Variants in TPX2 observed in about 807,000 individuals in gnomAD.
TPX2 encodes the protein TPX2 microtubule nucleation factor.
In TPX2, 21 loss-of-function variants were observed where a neutral mutation model predicts 93.6. The ratio of observed to expected loss-of-function variants is 0.22; its 90% CI spans 0.16 to 0.32. The LOEUF (loss-of-function observed/expected upper bound fraction) is 0.32. Ranked by LOEUF, TPX2 falls within the 10% of genes least tolerant of loss-of-function variation. TPX2 has a pLI of 1.00. For synonymous variants in TPX2, 281 were observed against 298.3 expected, an observed-to-expected ratio of 0.94 and a Z score of 0.60; for missense variants, 776 against 871.1, an observed-to-expected ratio of 0.89 and a Z score of 1.37.
At chr20:31,761,610 T>A (rs933204228) in intron 4 of TPX2, among the ~76,000 whole-genome samples, 7 of 152,220 alleles carry the variant, frequency 4.6e-5, no homozygotes, top group African/African-American at 1.4e-4. Context: ...TAAATAGTAT[T>A]CCATTGTATA....
chr20:31,756,000 C>G (rs920742227), intron 2 of TPX2, among the ~76,000 whole-genome samples: 1 of 152,194 alleles, frequency 6.6e-6, no homozygotes. Flanking sequence ...TGTTCCTATG[C>G]TGCATGTTGT....
At chr20:31,777,813 G>A (rs554627780) in intron 9 of TPX2, among the ~76,000 whole-genome samples, 175 bp downstream of exon 9, 7 of 141,446 alleles carry the variant, frequency 4.9e-5, no homozygotes, top group African/African-American at 1.6e-4. Context: ...TTTCACTTTT[G>A]TCGCCCAGGC....
intron 13 of TPX2, among the ~76,000 whole-genome samples, chr20:31,793,144 A>G (rs2062113327): frequency 1.3e-5 from 2 of 152,194 alleles, no homozygotes; most frequent in Non-Finnish European, 2.9e-5. Flanking sequence ...CAAAAGTTGC[A>G]CTTTATTTTG....
chr20:31,755,343 C>A (rs912031817), intron 2 of TPX2, among the ~76,000 whole-genome samples: 3 of 151,740 alleles, frequency 2.0e-5, no homozygotes, highest in Non-Finnish European at 4.4e-5. Flanking sequence ...CCTGGCCTCT[C>A]AAAGTGCTGG....
At chr20:31,772,468 C>T (rs1463653069) in intron 7 of TPX2, among the ~76,000 whole-genome samples, 1 of 152,142 alleles carries the variant, frequency 6.6e-6, no homozygotes, top group Non-Finnish European at 1.5e-5. Flanking sequence ...GGCTGGTGCT[C>T]AGATCTTGAA....
chr20:31,796,591 A>T (rs941604548), intron 15 of TPX2, among the ~76,000 whole-genome samples: 6 of 152,096 alleles, frequency 3.9e-5, no homozygotes, highest in Admixed American at 2.0e-4. Context: ...GATTTTCCAC[A>T]ATCTGGATTT....
intron 2 of TPX2, among the ~76,000 whole-genome samples, chr20:31,754,693 G>A (rs2061840803): frequency 6.6e-6 from 1 of 152,072 alleles, no homozygotes; most frequent in Admixed American, 6.6e-5. Flanking sequence ...TTATGGATGT[G>A]TACAGAAATT....
At chr20:31,784,918 G>A (rs2062055847) in intron 12 of TPX2, among the ~76,000 whole-genome samples, 1 of 152,144 alleles carries the variant, frequency 6.6e-6, no homozygotes, top group Non-Finnish European at 1.5e-5. Context: ...GATTGATGCA[G>A]GTCCGGGATA....
chr20:31,763,665 C>T (rs966707501), intron 4 of TPX2, among the ~76,000 whole-genome samples: 2 of 151,248 alleles, frequency 1.3e-5, no homozygotes, highest in African/African-American at 4.9e-5. Context: ...ATTGTTATGT[C>T]ACGTTGATGA....
At chr20:31,785,451 T>G (rs1426751152) in intron 12 of TPX2, among the ~76,000 whole-genome samples, 1 of 152,046 alleles carries the variant, frequency 6.6e-6, no homozygotes, top group East Asian at 1.9e-4. Context: ...AATTATTTCT[T>G]CAGGGTTTCT....
At chr20:31,751,799 A>G (rs892729570) in intron 2 of TPX2, among the ~76,000 whole-genome samples, 5 of 152,104 alleles carry the variant, frequency 3.3e-5, no homozygotes, top group South Asian at 2.1e-4. Flanking sequence ...CTGGAGTGCA[A>G]TGGCGCAATC....
At chr20:31,779,757 TGGA>T (rs2062022108) in intron 10 of TPX2, among the ~76,000 whole-genome samples, 1 of 152,164 alleles carries the variant, frequency 6.6e-6, no homozygotes, top group Non-Finnish European at 1.5e-5. Flanking sequence ...AGGCAGGTAT[TGGA>T]GGGATACTTA....
chr20:31,773,871 T>C (rs746839235), intron 7 of TPX2, among the ~76,000 whole-genome samples: 10 of 140,006 alleles, frequency 7.1e-5, no homozygotes, highest in Non-Finnish European at 1.4e-4. Flanking sequence ...AACATTTGGA[T>C]TTTTTTTTTT....
At chr20:31,777,827 A>C (rs1205165684) in intron 9 of TPX2, among the ~76,000 whole-genome samples, 189 bp downstream of exon 9, 1 of 150,630 alleles carries the variant, frequency 6.6e-6, no homozygotes, top group African/African-American at 2.5e-5. Flanking sequence ...CCCAGGCTGG[A>C]GTGCAATGGC....
intron 5 of TPX2, 72 bp from the exon 6 acceptor site, chr20:31,770,271 C>G: frequency 1.8e-6 from 2 of 1,118,976 alleles, no homozygotes; most frequent in Non-Finnish European, 2.3e-6. Flanking sequence ...CATCCTTTCA[C>G]ATTTCTCAGG....
chr20:31,755,198 T>G (rs2061844159), intron 2 of TPX2, among the ~76,000 whole-genome samples: 1 of 151,988 alleles, frequency 6.6e-6, no homozygotes, highest in Non-Finnish European at 1.5e-5. Flanking sequence ...TCCACCCGCC[T>G]TGGCCTCCCA....
chr20:31,766,247 T>C (rs1205751827), intron 4 of TPX2, among the ~76,000 whole-genome samples: 1 of 152,208 alleles, frequency 6.6e-6, no homozygotes, highest in African/African-American at 2.4e-5. Flanking sequence ...TTTTTTCTTC[T>C]TTATGGAAGC....
intron 1 of TPX2, among the ~76,000 whole-genome samples, chr20:31,741,128 A>G (rs1394751705): frequency 3.3e-5 from 5 of 152,152 alleles, no homozygotes; most frequent in Non-Finnish European, 7.4e-5. Flanking sequence ...GGAGATGTTC[A>G]GGGCTCATCT....
chr20:31,793,926 G>C lies in TPX2; in HGVS notation c.1588G>C (p.Ala530Pro). ...GCCTTTTAAGCCCCAAATCCCAGAG[G>C]CAAGAACTGTGGAAATATGCCCTTT... ...GVPFKPQIPE[A>P]RTVEICPFSF... Residue 530 changes from alanine to proline, a missense_variant, in exon 14 of 18, where the codon GCA (alanine) becomes CCA (proline). Ala to Pro is a conservative substitution (Grantham distance 27). Transcript: ENST00000300403. 1 of 1,613,980 alleles carries C rather than the reference G, an allele frequency of 6.2e-7. No individual in the cohort carries two copies. The highest frequency in any genetic ancestry group is 8.5e-7 in the Non-Finnish European group (1 of 1,179,940).
Sources: allele counts gnomAD v4.1 joint callset (sites outside exome capture counted in the v4.1 genomes callset), GRCh38; gene constraint gnomAD v4.1.1; transcripts MANE v1.5; gene names NCBI Gene and HGNC (gene_info 2026-07-23, HGNC 2026-07-21).